The following STX5 variants were observed in gnomAD, a reference collection of about 807,000 sequenced individuals.
STX5 encodes syntaxin 5.
Under a neutral mutation model 42.9 loss-of-function variants are expected in STX5, and 15 were observed. That is an observed-to-expected ratio of 0.35 (90% CI 0.23 to 0.54). The LOEUF (loss-of-function observed/expected upper bound fraction) is 0.54. Ranked by LOEUF, STX5 falls within the 20% of genes least tolerant of loss-of-function variation. The pLI is 0.91. For synonymous variants in STX5, 184 were observed against 173.2 expected (o/e 1.06, Z -0.49); for missense variants, 430 against 455.0 (o/e 0.95, Z 0.50).
intron 10 of STX5, among the ~76,000 whole-genome samples, chr11:62,808,805 T>C (rs951456658): frequency 2.6e-5 from 4 of 151,984 alleles, no homozygotes; most frequent in African/African-American, 9.7e-5. Flanking sequence ...GATAACCTCA[T>C]CAAGTGCCTA....
chr11:62,811,267 G>A (rs1328405077), intron 10 of STX5, among the ~76,000 whole-genome samples: 1 of 152,014 alleles, frequency 6.6e-6, no homozygotes, highest in African/African-American at 2.4e-5. Flanking sequence ...CCAAACATCA[G>A]AACATGAAAT....
intron 2 of STX5, among the ~76,000 whole-genome samples, chr11:62,828,784 T>A (rs1468452780): frequency 6.8e-6 from 1 of 146,870 alleles, no homozygotes; most frequent in Admixed American, 6.8e-5. Flanking sequence ...TACAGTTACT[T>A]GGCCAGGTGC....
chr11:62,831,368 A>G (rs1403289357), intron 1 of STX5, 106 bp from the exon 2 acceptor site: 6 of 857,104 alleles, frequency 7.0e-6, no homozygotes, highest in Non-Finnish European at 1.1e-5. Flanking sequence ...CTTCTCGTGG[A>G]CTTTCGCGCC....
In STX5 at chr11:62,809,765, A is replaced by C. The variant is rs527965439; in HGVS notation, c.909-2137T>G. Among the ~76,000 whole-genome samples, 3 of 151,874 alleles carry C rather than the reference A, an allele frequency of 2.0e-5. No individual in the cohort carries two copies. The South Asian group carries it at 6.2e-4, about 32-fold the overall frequency. ...TAGCATGCTGTAGTATCTAGGAATA[A>C]AACAGCATGAAATTTGCACCTACTT... On this transcript the variant is annotated intron_variant, in intron 10 of 10. Transcript: ENST00000294179.
chr11:62,825,036 C>T lies in STX5; in HGVS notation c.679G>A (p.Gly227Ser). ...GCTCCCCGTTTTACCTGTGACTTAC[C>T]CAGGTGGTTAGGGGCAAGGGGCAGG... is the stretch of plus-strand genomic sequence containing the variant. ...SALPLAPNHL[G>S]GGAVVLGAES... is the part of the protein sequence containing the mutation. Residue 227 changes from glycine to serine, a missense_variant and splice_region_variant, in exon 8 of 11, where the codon GGC becomes AGC. Physicochemically the swap from Gly to Ser is moderately conservative, Grantham distance 56 (BLOSUM62 0). Transcript: ENST00000294179. The T allele has an allele frequency of 6.2e-7, 1 of 1,613,826 alleles. No homozygotes were observed. The highest frequency in any genetic ancestry group is 8.5e-7 in the Non-Finnish European group (1 of 1,179,952).
Position 62,831,224 on chromosome 11 carries a change from T to C in STX5, c.20A>G (p.Tyr7Cys), listed in dbSNP as rs1004290295. 14 of 1,563,126 alleles carry C rather than the reference T, an allele frequency of 9.0e-6. No individual in the cohort carries two copies. In the Admixed American group the frequency reaches 1.5e-4, roughly 17 times the overall value. The change falls in exon 2 of 11, where the codon TAC (tyrosine) becomes TGC (cysteine). Residue 7 changes from tyrosine to cysteine, a missense_variant. By Grantham distance (194) the Tyr-to-Cys change is radical. Coordinates refer to ENST00000294179, the MANE Select transcript of STX5 (RefSeq NM_003164.5). ...ACCCTGATCCGTGTTCTTAGACCCG[T>C]AGCGTTTCCGCGGGATCATTGAGAC... Reference protein sequence around the residue: MIPRKRYGSKNTDQGVY... With the variant: MIPRKRCGSKNTDQGVY...
chr11:62,816,891 C>T (rs1051292697), intron 10 of STX5, among the ~76,000 whole-genome samples: 2 of 151,516 alleles, frequency 1.3e-5, no homozygotes, highest in African/African-American at 2.4e-5. Context: ...AAGACTCTGT[C>T]TCAAAAAAAA....
chr11:62,830,043 C>T (rs539699078), intron 2 of STX5, among the ~76,000 whole-genome samples: 2 of 128,168 alleles, frequency 1.6e-5, no homozygotes, highest in East Asian at 2.3e-4. Flanking sequence ...CCAGTCTGGG[C>T]GACAAGGCAA....
At chr11:62,811,183 C>G (rs980339111) in intron 10 of STX5, among the ~76,000 whole-genome samples, 5 of 152,258 alleles carry the variant, frequency 3.3e-5, no homozygotes, top group Non-Finnish European at 7.4e-5. Context: ...TACCCAGTCT[C>G]TGGGTGGTCT....
chr11:62,826,834 C>T (rs183742915), intron 5 of STX5, among the ~76,000 whole-genome samples: 7 of 149,008 alleles, frequency 4.7e-5, no homozygotes, highest in African/African-American at 1.5e-4. Context: ...GAGCCAAGAT[C>T]GCACCACTGC....
At position 62,825,509 on chromosome 11, in the gene STX5, G is replaced by A. The variant is rs1484480654; in HGVS notation, c.454C>T (p.Gln152Ter). The change falls in exon 6 of 11, where the codon CAG becomes TAG. Residue 152 changes from glutamine to a stop codon, truncating the protein, a stop_gained. Transcript: ENST00000294179. LOFTEE classifies it high-confidence loss of function. ...TTGGCTCTCACGAAATCCTGGAGCT[G>A]AGCAATTTGTTTGTTGAGGCTATTG... ...DINSLNKQIA[Q>*]LQDFVRAKGS... 6.2e-7 allele frequency: 1 copy of A among 1,613,862 alleles called. No homozygotes were observed. Among genetic ancestry groups the A allele is most frequent in the Non-Finnish European group, 8.5e-7 (1 of 1,180,052 alleles).
chr11:62,832,048 G>C lies in STX5; in HGVS notation c.-114C>G, dbSNP rs1019286190. 2.0e-6 allele frequency: 1 copy of C among 497,846 alleles called. No homozygotes were observed. The highest frequency in any genetic ancestry group is 3.9e-6 in the Non-Finnish European group (1 of 255,030). 30.8% of individuals were successfully genotyped at this position (497,846 alleles called of 1,614,324 possible). On this transcript the variant is annotated 5_prime_UTR_variant, in exon 1 of 11. Coordinates refer to ENST00000294179, the MANE Select transcript of STX5 (RefSeq NM_003164.5). ...CTGAAGCCGCCGAAACCCGACCAAA[G>C]ACTGGAAGCGGCCACGTCACCTACA...
chr11:62,819,419 T>C (rs1448777864), intron 10 of STX5, among the ~76,000 whole-genome samples: 1 of 151,600 alleles, frequency 6.6e-6, no homozygotes, highest in Non-Finnish European at 1.5e-5. Context: ...GTGGAAAACT[T>C]AGATCTATTC....
At chr11:62,815,598 A>G (rs2084665136) in intron 10 of STX5, among the ~76,000 whole-genome samples, 1 of 150,264 alleles carries the variant, frequency 6.7e-6, no homozygotes, top group Non-Finnish European at 1.5e-5. Flanking sequence ...GTGCAGTGGC[A>G]CAATCTCGGC....
In STX5 at chr11:62,807,473, G is replaced by C; in HGVS notation, c.1064C>G (p.Ala355Gly). The change falls in exon 11 of 11, where the codon GCT becomes GGT. Residue 355 changes from alanine (A) to glycine (G), a missense_variant. Transcript: ENST00000294179. ...GTGCCTCAGAGTAGAGAGGGTTCAAGCAAGGAAGACCACAAAGATGATGAA... is the reference window on the plus strand; with the variant it reads ...GTGCCTCAGAGTAGAGAGGGTTCAACCAAGGAAGACCACAAAGATGATGAA... The part of the protein sequence containing the change: ...VFFIIFVVFL[A>G] 6.2e-7 allele frequency: 1 copy of C among 1,613,768 alleles called. No homozygotes were observed. Among genetic ancestry groups the C allele is most frequent in the South Asian group, 1.1e-5 (1 of 91,040 alleles).
intron 5 of STX5, 143 bp from the exon 6 acceptor site, chr11:62,825,682 G>A: frequency 1.3e-6 from 1 of 760,016 alleles, no homozygotes; most frequent in South Asian, 1.7e-5. Context: ...AGACCAGATG[G>A]GCCTGCTAGG....
In STX5 at chr11:62,831,113, G is replaced by C. The variant is rs778033260; in HGVS notation, c.131C>G (p.Pro44Arg). The C allele has an allele frequency of 6.5e-7, 1 of 1,549,258 alleles. No homozygotes were observed. Among genetic ancestry groups the C allele is most frequent in the Non-Finnish European group, 8.7e-7 (1 of 1,145,032 alleles). ...GGGAGGGGGAGGGACGAGGGTCACT[G>C]GGGGGGGCAGAGGGGCGATGTCGCT... is the stretch of plus-strand genomic sequence containing the variant. ...SSSDIAPLPPPVTLVPPPPDT... is the reference protein window; with the variant it reads ...SSSDIAPLPPRVTLVPPPPDT... The change falls in exon 2 of 11, where the codon CCA (proline) becomes CGA (arginine). Residue 44 changes from proline to arginine, a missense_variant. Physicochemically the swap from Pro to Arg is moderately radical, Grantham distance 103. Transcript: ENST00000294179.
chr11:62,822,327 C>T (rs1002854204), intron 10 of STX5, among the ~76,000 whole-genome samples: 1 of 152,186 alleles, frequency 6.6e-6, no homozygotes, highest in Admixed American at 6.5e-5. Context: ...CATGCCACTG[C>T]ACTCCAGCCT....
chr11:62,819,409 G>A (rs992160410), intron 10 of STX5, among the ~76,000 whole-genome samples: 1 of 151,632 alleles, frequency 6.6e-6, no homozygotes, highest in Non-Finnish European at 1.5e-5. Flanking sequence ...AGAGATACCA[G>A]TGGAAAACTT....
Sources: allele counts gnomAD v4.1 joint callset (sites outside exome capture counted in the v4.1 genomes callset), GRCh38; gene constraint gnomAD v4.1.1; transcripts MANE v1.5; gene names NCBI Gene and HGNC (gene_info 2026-07-23, HGNC 2026-07-21).